Variants in DIAPH2 observed in about 807,000 individuals in gnomAD.
DIAPH2 encodes protein diaphanous homolog 2.
A neutral mutation model predicts 92.7 loss-of-function variants in DIAPH2; 35 were observed. The observed-to-expected ratio is 0.38, with a 90% CI of 0.29 to 0.50. DIAPH2 has a LOEUF of 0.50. Ranked by LOEUF, DIAPH2 falls within the 20% of genes least tolerant of loss-of-function variation. The pLI is 0.94. For synonymous variants in DIAPH2, 301 were observed against 280.4 expected, an observed-to-expected ratio of 1.07 and a Z score of -0.73; for missense variants, 701 against 819.5, an observed-to-expected ratio of 0.86 and a Z score of 1.77.
chrX:96,912,115 G>T (rs1457529147), intron 5 of DIAPH2, among the ~76,000 whole-genome samples: 1 of 111,178 alleles, frequency 9.0e-6, no homozygotes, highest in African/African-American at 3.3e-5. Flanking sequence ...TGTGTAATGG[G>T]CAATCTAAAA....
At chrX:97,399,117 C>A (rs1342377214) in intron 25 of DIAPH2, among the ~76,000 whole-genome samples, 3 of 111,229 alleles carry the variant, frequency 2.7e-5, no homozygotes, top group African/African-American at 9.8e-5. Flanking sequence ...AACCAGAAGT[C>A]TGTATTGAGG....
At chrX:97,238,649 A>G in intron 22 of DIAPH2, among the ~76,000 whole-genome samples, 1 of 106,755 alleles carries the variant, frequency 9.4e-6, no homozygotes, top group Non-Finnish European at 1.9e-5. Flanking sequence ...TTTGGGTACC[A>G]TTTACCGTTT....
At position 97,429,808 on chromosome X, in the gene DIAPH2, A is replaced by T. The variant is rs1481281179; in HGVS notation, c.3241+63A>T. 1.5e-5 allele frequency: 15 copies of T among 970,866 alleles called. No homozygotes were observed. In the East Asian group the frequency reaches 4.7e-4, roughly 31 times the overall value. 80.0% of individuals were successfully genotyped at this position (970,866 alleles called of 1,213,427 possible). The stretch of plus-strand genomic sequence containing the variant: ...TGAATGTTCAGAGCAAAGTAGCAAC[A>T]CCAAAAAAAAAAAAGGAAAAATAAA... On this transcript the variant is annotated intron_variant, in intron 26 of 26. Transcript: ENST00000324765.
chrX:97,289,442 G>A lies in DIAPH2; in HGVS notation c.2844+41603G>A, dbSNP rs141748864. On this transcript the variant is annotated intron_variant, in intron 23 of 26. Transcript: ENST00000324765. ...AGCAGTCCTGCTCTGGTAATTAGCT[G>A]GCTTATTTATACCTCAACACCTTGA... Among the ~76,000 whole-genome samples the A allele has an allele frequency of 5.6e-3, 618 of 111,315 alleles. 2 individuals carry two copies. The highest frequency in any genetic ancestry group is 0.019 in the African/African-American group (585 of 30,692).
chrX:97,414,252 C>T (rs2069914799), intron 25 of DIAPH2, among the ~76,000 whole-genome samples: 2 of 111,513 alleles, frequency 1.8e-5, no homozygotes, highest in Admixed American at 9.5e-5. Flanking sequence ...TAATACTACA[C>T]ATCTACAACC....
intron 5 of DIAPH2, among the ~76,000 whole-genome samples, chrX:96,900,506 T>C (rs1316031426): frequency 9.0e-6 from 1 of 111,585 alleles, no homozygotes; most frequent in Non-Finnish European, 1.9e-5. Flanking sequence ...TCCAGTACTA[T>C]GTTAAATAGA....
At position 97,337,248 on chromosome X, in the gene DIAPH2, C is replaced by T. The variant is rs1463965790; in HGVS notation, c.2845-10868C>T. On this transcript the variant is annotated intron_variant, in intron 23 of 26. Transcript: ENST00000324765. Reference sequence around the variant, plus strand: ...AGAAGCAGGGGTACTTGATATACTTCGGATAGTACAAATCTGGTGATTCTG... The same window carrying T: ...AGAAGCAGGGGTACTTGATATACTTTGGATAGTACAAATCTGGTGATTCTG... Among the ~76,000 whole-genome samples the T allele has an allele frequency of 2.7e-5, 3 of 109,947 alleles. No individual in the cohort carries two copies. The Admixed American group carries it at 2.9e-4, about 11-fold the overall frequency.
chrX:96,797,579 T>C (rs1033909030), intron 4 of DIAPH2, among the ~76,000 whole-genome samples: 1 of 112,233 alleles, frequency 8.9e-6, no homozygotes, highest in African/African-American at 3.2e-5. Context: ...CTTTCAATCA[T>C]GGCAGAAGGC....
chrX:96,982,077 A>G (rs1326914147), intron 17 of DIAPH2, among the ~76,000 whole-genome samples: 3 of 112,103 alleles, frequency 2.7e-5, no homozygotes, highest in Non-Finnish European at 5.6e-5. Context: ...GTCTCTCAAT[A>G]TAACACCAAT....
At chrX:97,539,403 G>A (rs959628599) in intron 26 of DIAPH2, among the ~76,000 whole-genome samples, 6 of 111,793 alleles carry the variant, frequency 5.4e-5, no homozygotes, top group African/African-American at 2.0e-4. Flanking sequence ...TCTTGATACC[G>A]ACCTTCAAAT....
chrX:96,905,412 A>G (rs1242004884), intron 5 of DIAPH2, among the ~76,000 whole-genome samples: 1 of 111,416 alleles, frequency 9.0e-6, no homozygotes, highest in Non-Finnish European at 1.9e-5. Flanking sequence ...GTTGTCCTTT[A>G]TAAGAATCTA....
chrX:96,965,095 T>C lies in DIAPH2; in HGVS notation c.1938T>C (p.Ile646=), dbSNP rs753012024. The C allele has an allele frequency of 8.4e-7, 1 of 1,192,100 alleles. No homozygotes were observed. The highest frequency in any genetic ancestry group is 1.1e-6 in the Non-Finnish European group (1 of 885,147). Residue 646 remains isoleucine (I), a splice_region_variant and synonymous_variant, in exon 17 of 27, where the codon ATT becomes ATC. Transcript: ENST00000324765. ...VSMKRINWSK[I]EPTELSENCF... ...ATTCTTTGTTATTTTTGTTTCAGAT[T>C]GAACCCACAGAATTATCTGAGAACT...
At chrX:96,710,678 G>C (rs778953293) in intron 1 of DIAPH2, among the ~76,000 whole-genome samples, 5 of 111,308 alleles carry the variant, frequency 4.5e-5, no homozygotes, top group Middle Eastern at 4.6e-3. Flanking sequence ...CCCACCATAT[G>C]ATGAGGAGGG....
chrX:97,254,265 G>T (rs2068215998), intron 23 of DIAPH2, among the ~76,000 whole-genome samples: 1 of 111,244 alleles, frequency 9.0e-6, no homozygotes, highest in African/African-American at 3.3e-5. Flanking sequence ...GCCAAGGTGG[G>T]TAGATCACCT....
intron 23 of DIAPH2, among the ~76,000 whole-genome samples, chrX:97,260,378 C>A (rs2068279122): frequency 8.9e-6 from 1 of 112,207 alleles, no homozygotes; most frequent in African/African-American, 3.2e-5. Context: ...CAGTCAACAA[C>A]CTAGTTACAA....
chrX:96,905,455 A>G (rs1373280330), intron 5 of DIAPH2, among the ~76,000 whole-genome samples: 2 of 111,237 alleles, frequency 1.8e-5, no homozygotes, highest in Non-Finnish European at 3.8e-5. Context: ...CTCCTTCAAT[A>G]GGTACATTTA....
intron 26 of DIAPH2, among the ~76,000 whole-genome samples, chrX:97,579,943 G>A (rs767438028): frequency 1.3e-3 from 138 of 109,817 alleles, no homozygotes; most frequent in African/African-American, 4.4e-3. Context: ...GTGAATGGGA[G>A]TTCACTCATG....
At chrX:97,100,654 A>G (rs1384833424) in intron 20 of DIAPH2, among the ~76,000 whole-genome samples, 2 of 111,788 alleles carry the variant, frequency 1.8e-5, no homozygotes, top group Non-Finnish European at 3.8e-5. Flanking sequence ...CTCCCTGAAC[A>G]TTTTCCATTT....
At chrX:96,981,897 C>T (rs1462840838) in intron 17 of DIAPH2, among the ~76,000 whole-genome samples, 3 of 111,530 alleles carry the variant, frequency 2.7e-5, no homozygotes, top group Non-Finnish European at 5.7e-5. Context: ...GGTATTAATA[C>T]ATGAATTTGT....
Sources: gnomAD v4.1 joint callset for allele counts (sites outside exome capture counted in the v4.1 genomes callset) on GRCh38, gnomAD v4.1.1 for gene constraint, MANE v1.5 for transcripts, NCBI Gene and HGNC (gene_info 2026-07-23, HGNC 2026-07-21) for gene names.